Variants in MPHOSPH6 observed in about 807,000 individuals in gnomAD.
MPHOSPH6 encodes M-phase phosphoprotein 6.
In MPHOSPH6, 25 loss-of-function variants were observed where a neutral mutation model predicts 21.8. The observed-to-expected ratio is 1.15, with a 90% CI of 0.83 to 1.60. The LOEUF (loss-of-function observed/expected upper bound fraction) is 1.60, where lower values mean the gene tolerates loss of function less well. MPHOSPH6 is among the 40% of genes most tolerant of loss of function. MPHOSPH6 has a pLI of 0.00. For synonymous variants in MPHOSPH6, 84 were observed against 56.5 expected (o/e 1.49, Z -2.18); for missense variants, 269 against 181.8 (o/e 1.48, Z -2.76).
At chr16:82,167,018 G>C (rs1362210504) in intron 1 of MPHOSPH6, among the ~76,000 whole-genome samples, 2 of 152,346 alleles carry the variant, frequency 1.3e-5, no homozygotes, top group Non-Finnish European at 1.5e-5. Context: ...CCTCAGGCTA[G>C]ATGTCTGTTG....
intron 2 of MPHOSPH6, among the ~76,000 whole-genome samples, chr16:82,156,788 TG>T (rs1488018427): frequency 6.6e-6 from 1 of 152,110 alleles, no homozygotes; most frequent in Non-Finnish European, 1.5e-5. Context: ...AAAAACAGGC[TG>T]GGTGTGGTGC....
chr16:82,159,571 AT>A (rs953482102), intron 2 of MPHOSPH6, among the ~76,000 whole-genome samples: 2 of 151,846 alleles, frequency 1.3e-5, no homozygotes, highest in South Asian at 2.1e-4. Flanking sequence ...TGCCTGGCTA[AT>A]TTTTTTTGTA....
intron 1 of MPHOSPH6, among the ~76,000 whole-genome samples, chr16:82,168,525 C>T (rs1168581436): frequency 6.8e-6 from 1 of 147,552 alleles, no homozygotes; most frequent in Non-Finnish European, 1.5e-5. Flanking sequence ...GGCTGGAGTG[C>T]AGTGGCGCCA....
intron 2 of MPHOSPH6, among the ~76,000 whole-genome samples, chr16:82,158,743 G>C (rs1906514048): frequency 6.6e-6 from 1 of 152,134 alleles, no homozygotes; most frequent in Admixed American, 6.5e-5. Flanking sequence ...TCAAGCAAAA[G>C]TTAGAATTCC....
intron 3 of MPHOSPH6, 140 bp downstream of exon 3, chr16:82,151,284 C>T (rs577709921): frequency 1.6e-6 from 2 of 1,232,592 alleles, no homozygotes; most frequent in South Asian, 1.4e-5. Context: ...CTTTAAATAG[C>T]TATGGCGATA....
intron 2 of MPHOSPH6, among the ~76,000 whole-genome samples, chr16:82,151,909 C>T (rs1031361459): frequency 1.3e-5 from 2 of 152,202 alleles, no homozygotes; most frequent in African/African-American, 2.4e-5. Flanking sequence ...AATACACATA[C>T]AGTATACAGT....
rs957458490 is a variant in MPHOSPH6 at position 82,148,727 on chromosome 16, C to T, written c.*4G>A. ...CCCCTGGGCCATCGCTTAAGGCATCCATCTTAATCCTGGGGCTTTAAGAAC... is the reference window on the plus strand; with the variant it reads ...CCCCTGGGCCATCGCTTAAGGCATCTATCTTAATCCTGGGGCTTTAAGAAC... On this transcript the variant is annotated 3_prime_UTR_variant, in exon 5 of 5. Coordinates refer to ENST00000258169, the MANE Select transcript of MPHOSPH6 (RefSeq NM_005792.2). 2 of 1,613,876 alleles carry T rather than the reference C, an allele frequency of 1.2e-6. No individual in the cohort carries two copies. Among genetic ancestry groups the T allele is most frequent in the Non-Finnish European group, 1.7e-6 (2 of 1,179,942 alleles).
chr16:82,149,103 C>T (rs1906179945), intron 4 of MPHOSPH6, among the ~76,000 whole-genome samples: 1 of 152,168 alleles, frequency 6.6e-6, no homozygotes. Flanking sequence ...TACACATTTC[C>T]AGCAGCTCTG....
chr16:82,169,734 T>C (rs1352165598), intron 1 of MPHOSPH6, among the ~76,000 whole-genome samples: 1 of 152,204 alleles, frequency 6.6e-6, no homozygotes, highest in African/African-American at 2.4e-5. Context: ...AAGAAGTGAA[T>C]TTACCTAAAT....
Position 82,149,303 on chromosome 16 carries a change from G to C in MPHOSPH6, c.350+6C>G, listed in dbSNP as rs776764286. On this transcript the variant is annotated splice_donor_region_variant and intron_variant, in intron 4 of 4. Transcript: ENST00000258169. ...AGATTAGAAGGCTGCTGCGCAGCAC[G>C]GTTACCTTCTAGCCATCTCTTCATC... 8 of 1,612,508 alleles carry C rather than the reference G, an allele frequency of 5.0e-6. No individual in the cohort carries two copies. The highest frequency in any genetic ancestry group is 5.9e-6 in the Non-Finnish European group (7 of 1,179,596).
chr16:82,160,845 C>T (rs1597163354), intron 2 of MPHOSPH6, among the ~76,000 whole-genome samples: 1 of 152,296 alleles, frequency 6.6e-6, no homozygotes, highest in South Asian at 2.1e-4. Context: ...GAAAATTTTA[C>T]ACTGGAGGAA....
chr16:82,161,364 T>A (rs1045651658), intron 2 of MPHOSPH6, among the ~76,000 whole-genome samples: 132 of 152,312 alleles, frequency 8.7e-4, no homozygotes, highest in African/African-American at 3.1e-3. Context: ...CAGGTCCCTA[T>A]AGCTTCTGAC....
intron 2 of MPHOSPH6, 110 bp from the exon 3 acceptor site, chr16:82,151,624 T>TAAAAA: frequency 4.5e-6 from 6 of 1,319,364 alleles, no homozygotes. Context: ...TAGAATGAAG[T>TAAAAA]AAAAATACAG....
At chr16:82,158,498 CAAAAAAA>C (rs3037959) in intron 2 of MPHOSPH6, among the ~76,000 whole-genome samples, 27 of 81,512 alleles carry the variant, frequency 3.3e-4, no homozygotes, top group African/African-American at 8.4e-4. Flanking sequence ...GACTCCGTCT[CAAAAAAA>C]AAAAAAAAAA....
rs1160900367 is a variant in MPHOSPH6, at chr16:82,170,157, T to C, written c.19A>G (p.Thr7Ala). 6.3e-7 allele frequency: 1 copy of C among 1,595,382 alleles called. No individual in the cohort carries two copies. Among genetic ancestry groups the C allele is most frequent in the Non-Finnish European group, 8.5e-7 (1 of 1,171,222 alleles). Reference sequence around the variant, plus strand: ...CGCAGTAGATTCTTGGACAACCTTGTCTTTCGCTCGGCCGCCATGGTAGCT... The same window carrying C: ...CGCAGTAGATTCTTGGACAACCTTGCCTTTCGCTCGGCCGCCATGGTAGCT... The part of the protein sequence containing the change: MAAERK[T>A]RLSKNLLRMK... Residue 7 changes from threonine to alanine, a missense_variant, in exon 1 of 5, where the codon ACA becomes GCA. Transcript: ENST00000258169.
intron 2 of MPHOSPH6, among the ~76,000 whole-genome samples, chr16:82,152,172 C>A (rs774095135): frequency 6.6e-6 from 1 of 152,176 alleles, no homozygotes; most frequent in Non-Finnish European, 1.5e-5. Context: ...TTCTTGAACA[C>A]AGGTCTGAGC....
intron 1 of MPHOSPH6, among the ~76,000 whole-genome samples, chr16:82,166,124 T>C (rs951720772): frequency 2.0e-5 from 3 of 152,220 alleles, no homozygotes; most frequent in African/African-American, 7.2e-5. Context: ...TATCATATCC[T>C]AGTGTTGTAA....
chr16:82,158,523 A>T (rs1291221695), intron 2 of MPHOSPH6, among the ~76,000 whole-genome samples: 1 of 143,232 alleles, frequency 7.0e-6, no homozygotes, highest in Non-Finnish European at 1.5e-5. Flanking sequence ...AAAAAAAAAA[A>T]GATACTTCAT....
Position 82,148,771 on chromosome 16 carries a change from G to A in MPHOSPH6, c.443C>T (p.Pro148Leu). The A allele has an allele frequency of 6.2e-7, 1 of 1,614,038 alleles. No homozygotes were observed. The change falls in exon 5 of 5, where the codon CCA becomes CTA. Residue 148 changes from proline to leucine, a missense_variant. Physicochemically the swap from Pro to Leu is moderately conservative, Grantham distance 98. Coordinates refer to ENST00000258169, the MANE Select transcript of MPHOSPH6 (RefSeq NM_005792.2). ...YEEDENGDIT[P>L]IKAKKMFLKP... ...TAAGAACATCTTCTTTGCTTTAATT[G>A]GTGTTATGTCTCCATTTTCATCTTC...
Sources: gnomAD v4.1 joint callset for allele counts (sites outside exome capture counted in the v4.1 genomes callset) on GRCh38, gnomAD v4.1.1 for gene constraint, MANE v1.5 for transcripts, NCBI Gene and HGNC (gene_info 2026-07-23, HGNC 2026-07-21) for gene names.